The following ADGRE1 variants were observed in gnomAD, a reference collection of about 807,000 sequenced individuals.
ADGRE1 encodes the protein EGF-like module receptor 1.
Under a neutral mutation model 102.7 loss-of-function variants are expected in ADGRE1, and 82 were observed. That is an observed-to-expected ratio of 0.80 (90% CI 0.67 to 0.96). The LOEUF (loss-of-function observed/expected upper bound fraction) is 0.96, where lower values mean the gene tolerates loss of function less well. ADGRE1 is among the 40% of genes least tolerant of loss of function. ADGRE1 has a pLI of 0.00. For missense variants in ADGRE1, 1,032 were observed against 1,085.3 expected (o/e 0.95, Z 0.69); for synonymous variants, 398 against 399.6 (o/e 1.00, Z 0.05).
intron 11 of ADGRE1, among the ~76,000 whole-genome samples, chr19:6,915,835 G>A (rs932704748): frequency 6.6e-6 from 1 of 150,894 alleles, no homozygotes; most frequent in African/African-American, 2.4e-5. Context: ...GCAGGAGAAT[G>A]GCGTGAACCC....
At chr19:6,919,480 G>T in intron 12 of ADGRE1, 68 bp from the exon 13 acceptor site, 3 of 1,050,078 alleles carry the variant, frequency 2.9e-6, no homozygotes, top group Non-Finnish European at 4.3e-6. Flanking sequence ...GTGTGTGTGT[G>T]TTGGGTCTTC....
At chr19:6,902,169 C>T (rs952528282) in intron 6 of ADGRE1, 148 bp downstream of exon 6, 10 of 1,068,108 alleles carry the variant, frequency 9.4e-6, no homozygotes, top group African/African-American at 7.9e-5. Flanking sequence ...AAAGAAATAC[C>T]TCTTGAGCAC....
chr19:6,895,795 A>T (rs1039496961), intron 2 of ADGRE1: 4 of 152,194 alleles, frequency 2.6e-5, no homozygotes, highest in African/African-American at 7.2e-5. Flanking sequence ...CTCCCAGGAG[A>T]TGCTTATGTG....
At chr19:6,935,888 G>T (rs1432670118) in intron 18 of ADGRE1, among the ~76,000 whole-genome samples, 1 of 152,110 alleles carries the variant, frequency 6.6e-6, no homozygotes, top group Non-Finnish European at 1.5e-5. Flanking sequence ...ATTTTCTGCT[G>T]ATTTAATGCG....
At chr19:6,932,834 G>A (rs913852708) in intron 17 of ADGRE1, among the ~76,000 whole-genome samples, 2 of 152,218 alleles carry the variant, frequency 1.3e-5, no homozygotes, top group Non-Finnish European at 2.9e-5. Flanking sequence ...TGGTGATGAT[G>A]AACAAACCAT....
chr19:6,887,683 G>GA (rs749208536), intron 1 of ADGRE1, 44 bp downstream of exon 1: 1 of 1,590,762 alleles, frequency 6.3e-7, no homozygotes, highest in South Asian at 1.1e-5. Context: ...GCCTGGATTG[G>GA]AAATAGACTT....
chr19:6,926,599 TC>T lies in ADGRE1; in HGVS notation c.2221del (p.Arg741AlafsTer4), dbSNP rs781451271. 24 of 1,614,046 alleles carry T rather than the reference TC, an allele frequency of 1.5e-5. No homozygotes were observed. In the African/African-American group the frequency reaches 2.7e-4, roughly 18 times the overall value. On this transcript the variant is annotated frameshift_variant and splice_region_variant, in exon 16 of 21. Coordinates refer to ENST00000312053, the MANE Select transcript of ADGRE1 (RefSeq NM_001974.5). LOFTEE classifies it high-confidence loss of function. ...AGCCACAGGGCTATGGAATGCATAATCGGTGAGTGACATCCTCTCTCTTCCT... is the reference window on the plus strand; with the variant it reads ...AGCCACAGGGCTATGGAATGCATAATGGTGAGTGACATCCTCTCTCTTCCT... ...VQPQGYGMHNRCWLNTETGFI... is the reference protein window; with the variant it reads ...VQPQGYGMHNXCWLNTETGFI...
At chr19:6,893,352 C>A (rs375825812) in intron 2 of ADGRE1, among the ~76,000 whole-genome samples, 1 of 152,212 alleles carries the variant, frequency 6.6e-6, no homozygotes, top group East Asian at 1.9e-4. Context: ...CATGAACCAC[C>A]ATGCCTGGCT....
chr19:6,937,290 C>G lies in ADGRE1; in HGVS notation c.2429C>G (p.Ser810Cys). 6.2e-7 allele frequency: 1 copy of G among 1,614,118 alleles called. No homozygotes were observed. The highest frequency in any genetic ancestry group is 8.5e-7 in the Non-Finnish European group (1 of 1,180,036). ...GCCCAGCTCTTCATCCTGGGCTGCT[C>G]CTGGGTGCTGGGCATTTTTCAGATT... Reference protein sequence around the residue: ...AFAQLFILGCSWVLGIFQIGP... With the variant: ...AFAQLFILGCCWVLGIFQIGP... Residue 810 changes from serine (S) to cysteine (C), a missense_variant, in exon 19 of 21, where the codon TCC (serine) becomes TGC (cysteine). Physicochemically the swap from Ser to Cys is moderately radical, Grantham distance 112. Transcript: ENST00000312053.
At chr19:6,916,490 C>A in intron 12 of ADGRE1, 122 bp downstream of exon 12, 1 of 1,291,690 alleles carries the variant, frequency 7.7e-7, no homozygotes, top group East Asian at 2.4e-5. Context: ...TAGAAATGGT[C>A]CATGCTCTCA....
chr19:6,914,574 C>G (rs985187134), intron 11 of ADGRE1, among the ~76,000 whole-genome samples: 2 of 152,188 alleles, frequency 1.3e-5, no homozygotes, highest in Non-Finnish European at 2.9e-5. Flanking sequence ...CTACGAAGTT[C>G]CTACCTAATG....
At chr19:6,916,767 A>T (rs1974402955) in intron 12 of ADGRE1, among the ~76,000 whole-genome samples, 1 of 151,202 alleles carries the variant, frequency 6.6e-6, no homozygotes, top group Non-Finnish European at 1.5e-5. Flanking sequence ...TTAAATTTTT[A>T]AAATATGTAA....
intron 10 of ADGRE1, among the ~76,000 whole-genome samples, chr19:6,912,127 CACAT>C (rs952203319): frequency 6.6e-6 from 1 of 151,936 alleles, no homozygotes. Context: ...TACACAAACA[CACAT>C]ACATACATAG....
chr19:6,908,857 G>A, intron 10 of ADGRE1, 85 bp downstream of exon 10: 2 of 1,291,710 alleles, frequency 1.5e-6, no homozygotes, highest in Non-Finnish European at 2.2e-6. Context: ...TTTATGGCTG[G>A]GCGTGGTGGC....
intron 2 of ADGRE1, among the ~76,000 whole-genome samples, chr19:6,892,900 A>G (rs2144882692): frequency 6.6e-6 from 1 of 152,330 alleles, no homozygotes; most frequent in African/African-American, 2.4e-5. Flanking sequence ...TAGTTGCCCT[A>G]CTGTGCTACT....
At chr19:6,896,853 T>C (rs1390321441) in intron 3 of ADGRE1, 1 of 477,122 alleles carries the variant, frequency 2.1e-6, no homozygotes, top group East Asian at 3.6e-5. Flanking sequence ...CACTGTAAAA[T>C]TTCATGGATG....
chr19:6,907,808 A>C (rs961240672), intron 9 of ADGRE1, among the ~76,000 whole-genome samples: 1 of 152,224 alleles, frequency 6.6e-6, no homozygotes, highest in African/African-American at 2.4e-5. Flanking sequence ...TCTTTCACTT[A>C]GCATGATATT....
Position 6,921,806 on chromosome 19 carries a change from G to A in ADGRE1, c.1714G>A (p.Ala572Thr), listed in dbSNP as rs1269560330. The change falls in exon 14 of 21, where the codon GCT becomes ACT. Residue 572 changes from alanine (A) to threonine (T), a missense_variant. Coordinates refer to ENST00000312053, the MANE Select transcript of ADGRE1 (RefSeq NM_001974.5). ...WTSFGCVILEASETYTICSCN... is the reference protein window; with the variant it reads ...WTSFGCVILETSETYTICSCN... The stretch of plus-strand genomic sequence containing the variant: ...ATCCTTTGGCTGTGTGATCCTGGAA[G>A]CTTCTGAGACATATACCATCTGCAG... The A allele has an allele frequency of 1.9e-6, 3 of 1,614,148 alleles. No homozygotes were observed. The South Asian group carries it at 3.3e-5, about 18-fold the overall frequency.
chr19:6,896,512 A>G lies in ADGRE1; in HGVS notation c.209A>G (p.His70Arg). 1 of 1,614,042 alleles carries G rather than the reference A, an allele frequency of 6.2e-7. No individual in the cohort carries two copies. The highest frequency in any genetic ancestry group is 8.5e-7 in the Non-Finnish European group (1 of 1,179,956). The change falls in exon 3 of 21, where the codon CAC (histidine) becomes CGC (arginine). Residue 70 changes from histidine to arginine, a missense_variant. Transcript: ENST00000312053. ...TTCCTGTCCAGCAATGGGCAAAATC[A>G]CTTCAAGGATCCAGGAGTGCGATGC... ...QGFLSSNGQN[H>R]FKDPGVRCKD...
Sources: gnomAD v4.1 joint callset for allele counts (sites outside exome capture counted in the v4.1 genomes callset) on GRCh38, gnomAD v4.1.1 for gene constraint, MANE v1.5 for transcripts, NCBI Gene and HGNC (gene_info 2026-07-23, HGNC 2026-07-21) for gene names.